Variants in PEX3 observed in about 807,000 individuals in gnomAD.
PEX3 encodes the protein peroxin-3.
PEX3 carries 30 observed loss-of-function variants against 55.8 expected under a neutral mutation model. The ratio of observed to expected loss-of-function variants is 0.54; its 90% CI spans 0.40 to 0.73. PEX3 has a LOEUF of 0.73. Ranked by LOEUF, PEX3 falls within the 30% of genes least tolerant of loss-of-function variation. The probability of loss-of-function intolerance (pLI) is 0.00; values close to 1 mark genes in which losing one functional copy is unlikely to be tolerated. For missense variants in PEX3, 351 were observed against 432.8 expected, an observed-to-expected ratio of 0.81 and a Z score of 1.68; for synonymous variants, 135 against 148.4, an observed-to-expected ratio of 0.91 and a Z score of 0.66.
chr6:143,468,422 C>T (rs1780019483), intron 4 of PEX3, among the ~76,000 whole-genome samples: 1 of 152,134 alleles, frequency 6.6e-6, no homozygotes, highest in Admixed American at 6.5e-5. Context: ...TTATTAGGTA[C>T]TGATATCTCT....
intron 8 of PEX3, among the ~76,000 whole-genome samples, chr6:143,474,560 C>G (rs1031890749): frequency 1.3e-5 from 2 of 152,036 alleles, no homozygotes; most frequent in African/African-American, 4.8e-5. Context: ...ATAAACAGAG[C>G]TCTTACTAAG....
In PEX3 at chr6:143,488,219, G is replaced by A. The variant is rs939324956; in HGVS notation, c.1039-924G>A. Among the ~76,000 whole-genome samples, 1 of 152,024 alleles carries A rather than the reference G, an allele frequency of 6.6e-6. No homozygotes were observed. Among genetic ancestry groups the A allele is most frequent in the African/African-American group, 2.4e-5 (1 of 41,412 alleles). On this transcript the variant is annotated intron_variant, in intron 11 of 11. Coordinates refer to ENST00000367591, the MANE Select transcript of PEX3 (RefSeq NM_003630.3). This position sits in a 1 kb window ranked among gnomAD's most constrained non-coding sequence, Gnocchi z 4.9. ...TACTTAAGAAACAGAGATCACTAGG[G>A]ACAGGTTTACTTCCCATTTCTTTGA...
In PEX3 at chr6:143,475,520, G is replaced by A. The variant is rs1481117339; in HGVS notation, c.818+664G>A. Among the ~76,000 whole-genome samples, 1 of 152,140 alleles carries A rather than the reference G, an allele frequency of 6.6e-6. No individual in the cohort carries two copies. The highest frequency in any genetic ancestry group is 2.1e-4 in the South Asian group (1 of 4,820). The stretch of plus-strand genomic sequence containing the variant: ...GAAAAAAAATTAGCCAGGCATGGTG[G>A]TGCACACCTGTGGTCCCAGTTACTT... On this transcript the variant is annotated intron_variant, in intron 9 of 11. Transcript: ENST00000367591. This position sits in a 1 kb window ranked among gnomAD's most constrained non-coding sequence, Gnocchi z 4.4.
At chr6:143,461,685 A>G (rs529385702) in intron 2 of PEX3, among the ~76,000 whole-genome samples, 1 of 152,136 alleles carries the variant, frequency 6.6e-6, no homozygotes, top group Non-Finnish European at 1.5e-5. Context: ...GGTGGCTCAC[A>G]CCTGTAATCC....
In PEX3 at chr6:143,489,098, C is replaced by A; in HGVS notation, c.1039-45C>A. Reference sequence around the variant, plus strand: ...GATTGCAGAAATTAATTCAAATTAGCTATATGTTTTGCAAACTATAATGTT... The same window carrying A: ...GATTGCAGAAATTAATTCAAATTAGATATATGTTTTGCAAACTATAATGTT... On this transcript the variant is annotated intron_variant, in intron 11 of 11. Coordinates refer to ENST00000367591, the MANE Select transcript of PEX3 (RefSeq NM_003630.3). The surrounding 1 kb of genome is among the most constrained non-coding windows in gnomAD (Gnocchi z 5.5). The A allele has an allele frequency of 8.2e-7, 1 of 1,217,572 alleles. No homozygotes were observed. The highest frequency in any genetic ancestry group is 1.2e-6 in the Non-Finnish European group (1 of 818,964). 75.4% of individuals were successfully genotyped at this position (1,217,572 alleles called of 1,614,324 possible).
chr6:143,462,211 A>G lies in PEX3; in HGVS notation c.206-705A>G, dbSNP rs1429444997. On this transcript the variant is annotated intron_variant, in intron 2 of 11. Transcript: ENST00000367591. The surrounding 1 kb of genome is among the most constrained non-coding windows in gnomAD (Gnocchi z 4.1). ...ACATTATTCCTGGGAGTAAGAAACAATAACAAACAACAGCCACTGACAAAA... is the reference window on the plus strand; with the variant it reads ...ACATTATTCCTGGGAGTAAGAAACAGTAACAAACAACAGCCACTGACAAAA... Among the ~76,000 whole-genome samples, 8 of 152,206 alleles carry G rather than the reference A, an allele frequency of 5.3e-5. No homozygotes were observed. The highest frequency in any genetic ancestry group is 1.0e-4 in the Non-Finnish European group (7 of 68,032).
chr6:143,484,993 G>C, intron 10 of PEX3, 159 bp from the exon 11 acceptor site: 1 of 616,310 alleles, frequency 1.6e-6, no homozygotes, highest in African/African-American at 1.9e-5. Flanking sequence ...ATGTCAATTA[G>C]AGTTGTTATT....
rs1348237873 is a variant in PEX3 at position 143,474,719 on chromosome 6, T to G, written c.748-67T>G. 1.3e-4 allele frequency: 110 copies of G among 845,026 alleles called. 1 individual carries two copies. The highest frequency in any genetic ancestry group is 2.1e-6 in the Non-Finnish European group (1 of 479,988). 52.3% of individuals were successfully genotyped at this position (845,026 alleles called of 1,614,324 possible). On this transcript the variant is annotated intron_variant, in intron 8 of 11. Coordinates refer to ENST00000367591, the MANE Select transcript of PEX3 (RefSeq NM_003630.3). Reference sequence around the variant, plus strand: ...TTCCTAAACTCTTTATTTATGAATGTGATTAGTTTCATCATAACCCTGTGC... The same window carrying G: ...TTCCTAAACTCTTTATTTATGAATGGGATTAGTTTCATCATAACCCTGTGC...
chr6:143,480,437 A>G (rs999341579), intron 10 of PEX3, among the ~76,000 whole-genome samples: 3 of 152,228 alleles, frequency 2.0e-5, no homozygotes, highest in African/African-American at 7.2e-5. Flanking sequence ...TTTCTGAACT[A>G]TAGTAATCAT....
At chr6:143,452,958 C>G (rs1779795621) in intron 1 of PEX3, among the ~76,000 whole-genome samples, 1 of 152,288 alleles carries the variant, frequency 6.6e-6, no homozygotes, top group Admixed American at 6.5e-5. Flanking sequence ...AGCAGAATGA[C>G]AAGAAGACAA....
rs999996485 is a variant in PEX3, at chr6:143,487,204, T to A, written c.1039-1939T>A. ...TAGTGTGAACCAACCCTATGATACATAATTTTTATCTCAGACTACTGAAAC... is the reference window on the plus strand; with the variant it reads ...TAGTGTGAACCAACCCTATGATACAAAATTTTTATCTCAGACTACTGAAAC... On this transcript the variant is annotated intron_variant, in intron 11 of 11. Coordinates refer to ENST00000367591, the MANE Select transcript of PEX3 (RefSeq NM_003630.3). This position sits in a 1 kb window ranked among gnomAD's most constrained non-coding sequence, Gnocchi z 5.3. Among the ~76,000 whole-genome samples the A allele has an allele frequency of 6.6e-6, 1 of 152,178 alleles. No individual in the cohort carries two copies. The highest frequency in any genetic ancestry group is 2.4e-5 in the African/African-American group (1 of 41,446).
chr6:143,462,885 A>T lies in PEX3; in HGVS notation c.206-31A>T. The T allele has an allele frequency of 1.3e-6, 2 of 1,483,138 alleles. No homozygotes were observed. Among genetic ancestry groups the T allele is most frequent in the South Asian group, 2.3e-5 (2 of 88,424 alleles). 91.9% of individuals were successfully genotyped at this position (1,483,138 alleles called of 1,614,324 possible). A position where few individuals can be genotyped will look rare whatever the true frequency, so the allele number is the denominator to read the frequency against. ...AGTGAGGGCAGTCATATCACTTGTG[A>T]CCTTTTTTATTTTTTTTGTTTGTAT... On this transcript the variant is annotated intron_variant, in intron 2 of 11. Transcript: ENST00000367591. The surrounding 1 kb of genome is among the most constrained non-coding windows in gnomAD (Gnocchi z 4.1).
rs1779806775 is a variant in PEX3 at position 143,453,738 on chromosome 6, G to A, written c.73+2623G>A. Among the ~76,000 whole-genome samples the A allele has an allele frequency of 6.6e-6, 1 of 152,024 alleles. No homozygotes were observed. The highest frequency in any genetic ancestry group is 1.5e-5 in the Non-Finnish European group (1 of 68,018). On this transcript the variant is annotated intron_variant, in intron 1 of 11. Transcript: ENST00000367591. This position sits in a 1 kb window ranked among gnomAD's most constrained non-coding sequence, Gnocchi z 4.6. Reference sequence around the variant, plus strand: ...ACCACAGGTGTGCACCATCATGCTTGGCTAATTTTTAATTATTTTGTAGAG... The same window carrying A: ...ACCACAGGTGTGCACCATCATGCTTAGCTAATTTTTAATTATTTTGTAGAG...
Position 143,459,061 on chromosome 6 carries a change from A to G in PEX3, c.74-24A>G, listed in dbSNP as rs1249208785. ...TAGAATTTTTGGTACTCTAATGAAT[A>G]TAGTACTTTTTTAATGATTGTAGGA... On this transcript the variant is annotated intron_variant, in intron 1 of 11. Transcript: ENST00000367591. The surrounding 1 kb of genome is among the most constrained non-coding windows in gnomAD (Gnocchi z 4.2). The G allele has an allele frequency of 1.3e-6, 2 of 1,510,554 alleles. No homozygotes were observed. Among genetic ancestry groups the G allele is most frequent in the Non-Finnish European group, 9.2e-7 (1 of 1,086,512 alleles). 93.6% of individuals were successfully genotyped at this position (1,510,554 alleles called of 1,614,324 possible). A position where few individuals can be genotyped will look rare whatever the true frequency, so the allele number is the denominator to read the frequency against.
Position 143,451,785 on chromosome 6 carries a change from C to A in PEX3, c.73+670C>A, listed in dbSNP as rs1348845389. Among the ~76,000 whole-genome samples the A allele has an allele frequency of 1.3e-5, 2 of 152,134 alleles. No individual in the cohort carries two copies. Among genetic ancestry groups the A allele is most frequent in the African/African-American group, 4.8e-5 (2 of 41,412 alleles). Reference sequence around the variant, plus strand: ...AGCTGACATAACTGAGTTGCACAGGCCCAGAGGAGATTTAGAAACAGATAA... The same window carrying A: ...AGCTGACATAACTGAGTTGCACAGGACCAGAGGAGATTTAGAAACAGATAA... On this transcript the variant is annotated intron_variant, in intron 1 of 11. Transcript: ENST00000367591. The surrounding 1 kb of genome is among the most constrained non-coding windows in gnomAD (Gnocchi z 4.1).
chr6:143,466,814 A>G lies in PEX3; in HGVS notation c.288-1308A>G, dbSNP rs1779998838. Among the ~76,000 whole-genome samples, 1 of 152,024 alleles carries G rather than the reference A, an allele frequency of 6.6e-6. No individual in the cohort carries two copies. Among genetic ancestry groups the G allele is most frequent in the Non-Finnish European group, 1.5e-5 (1 of 67,928 alleles). ...TCACTTATATAAAGCAAAACAATGG[A>G]AAGTTTAAGCATTTTTTAAGTCGTC... On this transcript the variant is annotated intron_variant, in intron 3 of 11. Coordinates refer to ENST00000367591, the MANE Select transcript of PEX3 (RefSeq NM_003630.3). This position sits in a 1 kb window ranked among gnomAD's most constrained non-coding sequence, Gnocchi z 5.4.
Position 143,464,275 on chromosome 6 carries a change from TA to T in PEX3, c.287+1280del, listed in dbSNP as rs1779962780. Among the ~76,000 whole-genome samples the T allele has an allele frequency of 6.6e-6, 1 of 152,014 alleles. No homozygotes were observed. The highest frequency in any genetic ancestry group is 2.1e-4 in the South Asian group (1 of 4,828). On this transcript the variant is annotated intron_variant, in intron 3 of 11. Transcript: ENST00000367591. This position sits in a 1 kb window ranked among gnomAD's most constrained non-coding sequence, Gnocchi z 5.8. ...GAATAGCATTTTTATACAAGCAACA[TA>T]ATACAGATAAAATAATCGTGGTGGC...
chr6:143,484,897 A>T (rs985252020), intron 10 of PEX3: 5 of 437,628 alleles, frequency 1.1e-5, no homozygotes, highest in African/African-American at 4.0e-5. Flanking sequence ...AAATGCAAAA[A>T]CAGTGTGCTT....
rs2128747874 is a variant in PEX3 at position 143,483,597 on chromosome 6, A to T, written c.942-1555A>T. ...GCTGGAGAATGCAGCATATACAGAT[A>T]TGGCTGTCATCTGAGAACACTGGAA... On this transcript the variant is annotated intron_variant, in intron 10 of 11. Coordinates refer to ENST00000367591, the MANE Select transcript of PEX3 (RefSeq NM_003630.3). The surrounding 1 kb of genome is among the most constrained non-coding windows in gnomAD (Gnocchi z 4.3). Among the ~76,000 whole-genome samples, 1 of 152,266 alleles carries T rather than the reference A, an allele frequency of 6.6e-6. No individual in the cohort carries two copies. The highest frequency in any genetic ancestry group is 2.1e-4 in the South Asian group (1 of 4,824).
Sources: allele counts gnomAD v4.1 joint callset (sites outside exome capture counted in the v4.1 genomes callset), GRCh38; gene constraint gnomAD v4.1.1; non-coding constraint Gnocchi (gnomAD v3.1); transcripts MANE v1.5; gene names NCBI Gene and HGNC (gene_info 2026-07-23, HGNC 2026-07-21).